Variants in RUFY2 observed in about 807,000 individuals in gnomAD.
The protein encoded by RUFY2 is RUN and FYVE domain-containing protein 2.
Under a neutral mutation model 94.4 loss-of-function variants are expected in RUFY2, and 49 were observed. The ratio of observed to expected loss-of-function variants is 0.52; its 90% CI spans 0.41 to 0.66. RUFY2 has a LOEUF of 0.66. RUFY2 is among the 30% of genes least tolerant of loss of function. The pLI is 0.00. For synonymous variants in RUFY2, 255 were observed against 235.7 expected (o/e 1.08, Z -0.75); for missense variants, 541 against 692.8 (o/e 0.78, Z 2.46).
At position 68,402,940 on chromosome 10, in the gene RUFY2, G is replaced by A. The variant is rs187106122; in HGVS notation, c.179-1203C>T. 6.4e-3 allele frequency among the ~76,000 whole-genome samples: 904 copies of A among 142,290 alleles called. 15 individuals are homozygous for A. The highest frequency in any genetic ancestry group is 0.022 in the African/African-American group (869 of 39,228). The allele number at this position is 142,290 out of a possible 152,430, so 93.3% of individuals were successfully genotyped here. A position where few individuals can be genotyped will look rare whatever the true frequency, so the allele number is the denominator to read the frequency against. ...AGCTCACTGCACCCTCTGCCTCCCA[G>A]GTTCAAACAATTCTCCTGCGTCAGC... On this transcript the variant is annotated intron_variant, in intron 2 of 17. Coordinates refer to ENST00000602465, the MANE Select transcript of RUFY2 (RefSeq NM_001330103.2).
At chr10:68,343,171 A>AAAT (rs2046070610), downstream of RUFY2, 1 of 152,208 alleles carries the variant, frequency 6.6e-6, no homozygotes, top group Non-Finnish European at 1.5e-5. Context: ...TGTTATTAAT[A>AAAT]AATGTCATTG....
chr10:68,393,252 A>T, intron 6 of RUFY2, 49 bp from the exon 7 acceptor site: 1 of 950,926 alleles, frequency 1.1e-6, no homozygotes, highest in South Asian at 1.6e-5. Flanking sequence ...GGTATTTATT[A>T]AGCACAAAAA....
chr10:68,376,467 TATATATATATATATATATATA>T (rs1451388871), intron 13 of RUFY2, among the ~76,000 whole-genome samples: 462 of 36,552 alleles, frequency 0.013, 68 homozygotes, highest in East Asian at 0.085. Context: ...TATATATATA[TATATATATATATATATATATA>T]TATTCTCAGA....
intron 15 of RUFY2, 102 bp from the exon 16 acceptor site, chr10:68,355,503 G>A: frequency 3.0e-6 from 2 of 668,758 alleles, no homozygotes; most frequent in Admixed American, 6.0e-5. Flanking sequence ...ATAAAATTAT[G>A]TATAGTATAT....
chr10:68,377,703 A>C, intron 12 of RUFY2: 1 of 984,870 alleles, frequency 1.0e-6, no homozygotes, highest in Non-Finnish European at 1.2e-6. Context: ...GCTTAGCTCC[A>C]CTCCCTGCCT....
chr10:68,354,134 TTATTAATAA>T (rs1356543606), intron 16 of RUFY2, among the ~76,000 whole-genome samples: 4 of 152,146 alleles, frequency 2.6e-5, no homozygotes, highest in South Asian at 4.1e-4. Context: ...ATCATCATTA[TTATTAATAA>T]TATTATTTGG....
intron 3 of RUFY2, among the ~76,000 whole-genome samples, chr10:68,399,324 C>T (rs1485313379): frequency 5.3e-5 from 8 of 152,134 alleles, no homozygotes; most frequent in Non-Finnish European, 1.2e-4. Flanking sequence ...GGATTATAGG[C>T]GTGAGCCACC....
At chr10:68,366,096 G>T (rs2047789700) in intron 13 of RUFY2, among the ~76,000 whole-genome samples, 1 of 152,052 alleles carries the variant, frequency 6.6e-6, no homozygotes, top group Non-Finnish European at 1.5e-5. Context: ...GGAGGCCAAA[G>T]CGGGCAGATC....
chr10:68,366,979 C>T (rs957261417), intron 13 of RUFY2, among the ~76,000 whole-genome samples: 4 of 150,188 alleles, frequency 2.7e-5, no homozygotes, highest in Non-Finnish European at 5.9e-5. Context: ...ACCAGCCTGG[C>T]CAACATGGTG....
intron 7 of RUFY2, among the ~76,000 whole-genome samples, chr10:68,388,850 A>AG (rs1304838610): frequency 9.6e-5 from 12 of 125,384 alleles, no homozygotes; most frequent in South Asian, 3.5e-4. Flanking sequence ...AAAAAAAAAA[A>AG]AAAAGAAAAG....
chr10:68,374,717 A>T (rs1393942163), intron 13 of RUFY2, among the ~76,000 whole-genome samples: 2 of 152,306 alleles, frequency 1.3e-5, no homozygotes, highest in African/African-American at 4.8e-5. Flanking sequence ...TGTTTTAATG[A>T]TCTGTTAATA....
chr10:68,365,665 T>C (rs72797505), intron 13 of RUFY2, among the ~76,000 whole-genome samples: 51 of 152,376 alleles, frequency 3.3e-4, no homozygotes, highest in Non-Finnish European at 6.5e-4. Flanking sequence ...AGAAGTGTTC[T>C]GGTCTTTAAT....
intron 1 of RUFY2, 37 bp downstream of exon 1, chr10:68,407,149 G>A (rs774248735): frequency 1.3e-6 from 2 of 1,498,214 alleles, no homozygotes; most frequent in Non-Finnish European, 1.8e-6. Flanking sequence ...GCCCGGGACT[G>A]AGGGCCTAGC....
At chr10:68,358,444 A>T (rs1204455290) in intron 15 of RUFY2, among the ~76,000 whole-genome samples, 1 of 152,216 alleles carries the variant, frequency 6.6e-6, no homozygotes, top group Non-Finnish European at 1.5e-5. Context: ...AAAACTACAC[A>T]CTGTAAAAAT....
chr10:68,346,176 G>T, intron 16 of RUFY2, 92 bp from the exon 17 acceptor site: 1 of 858,958 alleles, frequency 1.2e-6, no homozygotes, highest in Non-Finnish European at 1.8e-6. Context: ...TATAGGAATA[G>T]ATATATGAAG....
intron 15 of RUFY2, among the ~76,000 whole-genome samples, chr10:68,360,410 AAC>A (rs1386075823): frequency 1.3e-5 from 2 of 152,064 alleles, no homozygotes; most frequent in Non-Finnish European, 2.9e-5. Flanking sequence ...AGCCTGGGGC[AAC>A]ACAGTGAGAC....
intron 4 of RUFY2, among the ~76,000 whole-genome samples, chr10:68,394,841 A>G (rs1017504594): frequency 3.3e-5 from 5 of 151,586 alleles, no homozygotes; most frequent in African/African-American, 9.7e-5. Flanking sequence ...GTGTTAGCCA[A>G]GATAGTCTCG....
At position 68,344,860 on chromosome 10, in the gene RUFY2, A is replaced by T. The variant is rs2046186765; in HGVS notation, c.*908T>A. The T allele has an allele frequency of 6.6e-6, 1 of 152,146 alleles. No homozygotes were observed. The highest frequency in any genetic ancestry group is 6.6e-5 in the Admixed American group (1 of 15,264). 9.4% of individuals were successfully genotyped at this position (152,146 alleles called of 1,614,324 possible). On this transcript the variant is annotated 3_prime_UTR_variant, in exon 18 of 18. Transcript: ENST00000602465. ...GTTAATACAAAATTTTTTGAACTGA[A>T]CTCTAATACATTACCAAAGCAAAGT...
rs761101408 is a variant in RUFY2 at position 68,386,157 on chromosome 10, C to T, written c.651-29G>A. ...AAATTAAGAAACAAAAAAACTCATT[C>T]AAAATCACACGAACTCAAAAAGGCA... On this transcript the variant is annotated intron_variant, in intron 7 of 17. Transcript: ENST00000602465. The T allele has an allele frequency of 1.5e-4, 234 of 1,577,328 alleles. 2 individuals carry two copies. In the South Asian group the frequency reaches 2.2e-3, roughly 15 times the overall value.
Sources: gnomAD v4.1 joint callset for allele counts (sites outside exome capture counted in the v4.1 genomes callset) on GRCh38, gnomAD v4.1.1 for gene constraint, MANE v1.5 for transcripts, NCBI Gene and HGNC (gene_info 2026-07-23, HGNC 2026-07-21) for gene names.